COL13A1: variants seen among roughly 807,000 people sequenced by gnomAD.
COL13A1 encodes the protein collagen type XIII alpha 1 chain, also known as collagen alpha-1(XIII) chain.
COL13A1 carries 89 observed loss-of-function variants against 130.9 expected under a neutral mutation model. That is an observed-to-expected ratio of 0.68 (90% CI 0.57 to 0.81). The LOEUF (loss-of-function observed/expected upper bound fraction) is 0.81. Among genes scored for constraint, COL13A1 ranks in the 30% least tolerant of loss-of-function variants. The pLI, the probability that COL13A1 is intolerant of heterozygous loss-of-function variation, is 0.00. For missense variants in COL13A1, 879 were observed against 934.6 expected (o/e 0.94, Z 0.78); for synonymous variants, 402 against 341.6 (o/e 1.18, Z -1.95).
At chr10:69,813,382 C>A (rs1843571966) in intron 1 of COL13A1, among the ~76,000 whole-genome samples, 1 of 152,224 alleles carries the variant, frequency 6.6e-6, no homozygotes, top group South Asian at 2.1e-4. Context: ...CATACGAATG[C>A]TGCAAAGCTC....
rs1028964321 is a variant in COL13A1 at position 69,884,198 on chromosome 10, T to C, written c.514-3258T>C. On this transcript the variant is annotated intron_variant, in intron 7 of 40. Coordinates refer to ENST00000645393, the MANE Select transcript of COL13A1 (RefSeq NM_001368882.1). Reference sequence around the variant, plus strand: ...AGCATGTGGTCTGCTGGAGCTGTCTTGGACGGCTGGCAAGAGTGGACCATG... The same window carrying C: ...AGCATGTGGTCTGCTGGAGCTGTCTCGGACGGCTGGCAAGAGTGGACCATG... Among the ~76,000 whole-genome samples the C allele has an allele frequency of 5.9e-5, 9 of 152,304 alleles. No individual in the cohort carries two copies. The South Asian group carries it at 1.9e-3, about 32-fold the overall frequency.
chr10:69,864,295 A>G (rs1041887710), intron 2 of COL13A1, among the ~76,000 whole-genome samples: 1 of 144,298 alleles, frequency 6.9e-6, no homozygotes, highest in African/African-American at 2.5e-5. Flanking sequence ...TGTCTGCCGC[A>G]TAATGAGCAC....
At chr10:69,954,272 T>C (rs908136761) in intron 39 of COL13A1, among the ~76,000 whole-genome samples, 2 of 152,204 alleles carry the variant, frequency 1.3e-5, no homozygotes, top group African/African-American at 4.8e-5. Flanking sequence ...CTGCTGCAGC[T>C]ACCTCTAAAG....
chr10:69,918,933 G>A (rs187924549), intron 19 of COL13A1, 129 bp from the exon 20 acceptor site: 3 of 1,054,228 alleles, frequency 2.8e-6, no homozygotes, highest in African/African-American at 3.1e-5. Context: ...ACAGAGAAGA[G>A]CCGGGGCTGG....
rs2134995531 is a variant in COL13A1, at chr10:69,898,766, G to A, written c.750+4G>A. On this transcript the variant is annotated splice_donor_region_variant and intron_variant, in intron 14 of 40. Transcript: ENST00000645393. ...CATAAAAAGGCGGACGTTCCAGGTAGACACCTCCCGTTTGTCCAGACCATG... is the reference window on the plus strand; with the variant it reads ...CATAAAAAGGCGGACGTTCCAGGTAAACACCTCCCGTTTGTCCAGACCATG... 1 of 1,611,296 alleles carries A rather than the reference G, an allele frequency of 6.2e-7. No homozygotes were observed. Among genetic ancestry groups the A allele is most frequent in the Non-Finnish European group, 8.5e-7 (1 of 1,178,240 alleles).
intron 34 of COL13A1, among the ~76,000 whole-genome samples, chr10:69,938,931 C>A (rs1351259855): frequency 6.6e-6 from 1 of 152,178 alleles, no homozygotes; most frequent in Non-Finnish European, 1.5e-5. Flanking sequence ...TTCTTATCCA[C>A]ATTCATGGCC....
intron 7 of COL13A1, 41 bp downstream of exon 7, chr10:69,880,594 GGT>G: frequency 6.2e-7 from 1 of 1,607,128 alleles, no homozygotes; most frequent in Non-Finnish European, 8.5e-7. Context: ...TGGGGGGATG[GGT>G]GAGTTGATGA....
intron 2 of COL13A1, among the ~76,000 whole-genome samples, chr10:69,853,960 C>T (rs973125153): frequency 6.6e-6 from 1 of 152,218 alleles, no homozygotes; most frequent in African/African-American, 2.4e-5. Context: ...AATGTTCTTA[C>T]AGAGCTGTTT....
intron 2 of COL13A1, among the ~76,000 whole-genome samples, chr10:69,866,507 G>C (rs900137996): frequency 6.6e-6 from 1 of 152,146 alleles, no homozygotes; most frequent in African/African-American, 2.4e-5. Context: ...TGCGCTCAGG[G>C]GATATTTTCA....
chr10:69,876,051 G>A (rs192397611), intron 5 of COL13A1, among the ~76,000 whole-genome samples: 3 of 152,330 alleles, frequency 2.0e-5, no homozygotes, highest in East Asian at 1.9e-4. Context: ...TGAGTCTGCC[G>A]GTGCTCAGAG....
chr10:69,941,045 C>T, intron 35 of COL13A1, 22 bp downstream of exon 35: 1 of 1,613,800 alleles, frequency 6.2e-7, no homozygotes, highest in South Asian at 1.1e-5. Context: ...TTCTCCATCA[C>T]CCCTCACCCC....
At chr10:69,889,301 G>A in intron 9 of COL13A1, 113 bp from the exon 10 acceptor site, 1 of 1,343,868 alleles carries the variant, frequency 7.4e-7, no homozygotes, top group Non-Finnish European at 1.0e-6. Flanking sequence ...GGGACAGGGA[G>A]GAGCACGGGG....
chr10:69,918,722 A>G (rs1482027671), intron 19 of COL13A1, among the ~76,000 whole-genome samples: 1 of 152,212 alleles, frequency 6.6e-6, no homozygotes, highest in Non-Finnish European at 1.5e-5. Flanking sequence ...CTGGAAAAAC[A>G]AGTGCTCAAA....
At chr10:69,897,281 G>A (rs2061738302) in intron 13 of COL13A1, among the ~76,000 whole-genome samples, 1 of 152,120 alleles carries the variant, frequency 6.6e-6, no homozygotes, top group Non-Finnish European at 1.5e-5. Flanking sequence ...TTTCCAAGGG[G>A]TTGGGTTGGG....
At chr10:69,866,717 A>G (rs562669778) in intron 2 of COL13A1, among the ~76,000 whole-genome samples, 1 of 152,306 alleles carries the variant, frequency 6.6e-6, no homozygotes, top group South Asian at 2.1e-4. Context: ...ATGGCTTGAC[A>G]GAGGCCAGCA....
rs1273127446 is a variant in COL13A1, at chr10:69,936,755, G to A, written c.1771-1G>A. 3 of 1,613,932 alleles carry A rather than the reference G, an allele frequency of 1.9e-6. No homozygotes were observed. The highest frequency in any genetic ancestry group is 2.5e-6 in the Non-Finnish European group (3 of 1,179,850). On this transcript the variant is annotated splice_acceptor_variant, in intron 32 of 40. Transcript: ENST00000645393. LOFTEE classifies it high-confidence loss of function. ...TGCACCTTGCTTTATTCCAAATGCA[G>A]GGGCTCCAAGGTGTTCCTGGACCAA...
At chr10:69,918,921 G>A (rs1323284339) in intron 19 of COL13A1, 141 bp from the exon 20 acceptor site, 62 of 959,912 alleles carry the variant, frequency 6.5e-5, no homozygotes, top group Non-Finnish European at 4.9e-5. Flanking sequence ...CCTGATGCCT[G>A]AACAGAGAAG....
intron 2 of COL13A1, among the ~76,000 whole-genome samples, chr10:69,853,195 G>A (rs1410856752): frequency 2.0e-5 from 3 of 152,192 alleles, no homozygotes; most frequent in African/African-American, 7.2e-5. Flanking sequence ...TCCATGAGGA[G>A]GGGAAGCCAC....
chr10:69,950,487 C>G (rs899456926), intron 38 of COL13A1, among the ~76,000 whole-genome samples: 1 of 152,194 alleles, frequency 6.6e-6, no homozygotes, highest in South Asian at 2.1e-4. Flanking sequence ...TGGGATCCCC[C>G]ACTCTGGCAG....
Sources: allele counts gnomAD v4.1 joint callset (sites outside exome capture counted in the v4.1 genomes callset), GRCh38; gene constraint gnomAD v4.1.1; transcripts MANE v1.5; gene names NCBI Gene and HGNC (gene_info 2026-07-23, HGNC 2026-07-21).